PIK3C2G: variants seen among roughly 807,000 people sequenced by gnomAD.
The protein encoded by PIK3C2G is phosphatidylinositol-4-phosphate 3-kinase catalytic subunit type 2 gamma.
Under a neutral mutation model 181.1 loss-of-function variants are expected in PIK3C2G, and 168 were observed. The observed-to-expected ratio is 0.93, with a 90% CI of 0.82 to 1.05. PIK3C2G has a LOEUF of 1.05. Among genes scored for constraint, PIK3C2G ranks in the 50% least tolerant of loss-of-function variants. The probability of loss-of-function intolerance (pLI) is 0.00; values close to 1 mark genes in which losing one functional copy is unlikely to be tolerated. For synonymous variants in PIK3C2G, 573 were observed against 592.2 expected, an observed-to-expected ratio of 0.97 and a Z score of 0.47; for missense variants, 1,869 against 1,732.8, an observed-to-expected ratio of 1.08 and a Z score of -1.40.
intron 20 of PIK3C2G, among the ~76,000 whole-genome samples, chr12:18,493,901 A>G (rs185269455): frequency 6.6e-6 from 1 of 152,152 alleles, no homozygotes; most frequent in Non-Finnish European, 1.5e-5. Context: ...ATTAATCACA[A>G]TGAACCATTC....
At position 18,399,638 on chromosome 12, in the gene PIK3C2G, G is replaced by A. The variant is rs768840335; in HGVS notation, c.2127-21G>A. Reference sequence around the variant, plus strand: ...GTGCAGCAAACTCCAGTAAATTACAGTTTCCAATCTGGTTTTTCAGACTCT... The same window carrying A: ...GTGCAGCAAACTCCAGTAAATTACAATTTCCAATCTGGTTTTTCAGACTCT... On this transcript the variant is annotated intron_variant, in intron 15 of 32. Transcript: ENST00000538779. 6 of 1,498,834 alleles carry A rather than the reference G, an allele frequency of 4.0e-6. No individual in the cohort carries two copies. In the African/African-American group the frequency reaches 5.5e-5, roughly 14 times the overall value. The allele number at this position is 1,498,834 out of a possible 1,614,324, so 92.8% of individuals were successfully genotyped here.
At chr12:18,593,594 G>T (rs1297720453) in intron 29 of PIK3C2G, among the ~76,000 whole-genome samples, 1 of 151,762 alleles carries the variant, frequency 6.6e-6, no homozygotes, top group East Asian at 1.9e-4. Context: ...ATTATTCTTT[G>T]GTGCCCTTTA....
chr12:18,453,498 G>A (rs149883229), intron 18 of PIK3C2G, among the ~76,000 whole-genome samples: 4 of 152,144 alleles, frequency 2.6e-5, no homozygotes, highest in Non-Finnish European at 4.4e-5. Context: ...CCTCTTAGGA[G>A]TATGTGATGA....
intron 12 of PIK3C2G, among the ~76,000 whole-genome samples, chr12:18,366,783 AT>A (rs1243052833): frequency 4.7e-5 from 7 of 149,668 alleles, no homozygotes; most frequent in East Asian, 2.0e-4. Flanking sequence ...TGTGTCTCTT[AT>A]TTTTTTTTCC....
At chr12:18,611,889 T>C (rs1948358937) in intron 31 of PIK3C2G, among the ~76,000 whole-genome samples, 1 of 152,172 alleles carries the variant, frequency 6.6e-6, no homozygotes, top group Admixed American at 6.6e-5. Context: ...TTCTTAACAG[T>C]TGTCCCTGCT....
chr12:18,696,820 C>CA, the PIK3C2G span, among the ~76,000 whole-genome samples: 1 of 152,062 alleles, frequency 6.6e-6, no homozygotes, highest in African/African-American at 2.4e-5. Context: ...CATCTTCCCC[C>CA]AAAGTTTATT....
intron 4 of PIK3C2G, 31 bp from the exon 5 acceptor site, chr12:18,293,870 A>G (rs1291523027): frequency 9.2e-7 from 1 of 1,083,346 alleles, no homozygotes; most frequent in Non-Finnish European, 1.4e-6. Flanking sequence ...ATACACTTTT[A>G]TTGACTTTTA....
chr12:18,472,048 T>C (rs908090990), intron 18 of PIK3C2G, among the ~76,000 whole-genome samples: 5 of 152,272 alleles, frequency 3.3e-5, no homozygotes, highest in African/African-American at 9.6e-5. Flanking sequence ...TACACTGAAC[T>C]TTCTCAGTCA....
chr12:18,536,875 T>C (rs1943881287), intron 24 of PIK3C2G, among the ~76,000 whole-genome samples: 1 of 152,132 alleles, frequency 6.6e-6, no homozygotes, highest in Non-Finnish European at 1.5e-5. Context: ...CCGCAGTGTA[T>C]GTATGTGCTC....
intron 29 of PIK3C2G, among the ~76,000 whole-genome samples, chr12:18,594,138 CAGAA>C (rs1245076428): frequency 6.6e-6 from 1 of 151,772 alleles, no homozygotes; most frequent in Non-Finnish European, 1.5e-5. Context: ...TAATTTTTCT[CAGAA>C]AGGCCATCCA....
chr12:18,621,049 C>T (rs756158692), intron 31 of PIK3C2G, among the ~76,000 whole-genome samples: 2 of 151,872 alleles, frequency 1.3e-5, no homozygotes, highest in African/African-American at 2.4e-5. Context: ...TGAACTTAAT[C>T]TTCCAGTATT....
chr12:18,294,948 T>C (rs1222522831), intron 5 of PIK3C2G, among the ~76,000 whole-genome samples: 1 of 151,734 alleles, frequency 6.6e-6, no homozygotes, highest in Non-Finnish European at 1.5e-5. Context: ...TTTGATGACA[T>C]TCTTATTAGT....
At chr12:18,538,116 T>A (rs1943955574) in intron 24 of PIK3C2G, 40 bp from the exon 25 acceptor site, 2 of 1,574,868 alleles carry the variant, frequency 1.3e-6, no homozygotes, top group Non-Finnish European at 1.7e-6. Flanking sequence ...ACAAACCATT[T>A]CTCTTCCTTC....
intron 31 of PIK3C2G, among the ~76,000 whole-genome samples, chr12:18,618,903 C>T (rs1003986251): frequency 6.6e-6 from 1 of 151,760 alleles, no homozygotes. Context: ...AGCTACAGAA[C>T]GTAGAGGAAA....
At chr12:18,378,624 A>G (rs143654014) in intron 13 of PIK3C2G, among the ~76,000 whole-genome samples, 2 of 152,260 alleles carry the variant, frequency 1.3e-5, no homozygotes, top group Non-Finnish European at 2.9e-5. Context: ...CTCATCTGAC[A>G]AAGGGCTAAT....
chr12:18,677,720 C>T, the PIK3C2G span, among the ~76,000 whole-genome samples: 5 of 152,024 alleles, frequency 3.3e-5, no homozygotes, highest in Non-Finnish European at 2.9e-5. Flanking sequence ...TATATGATTC[C>T]AGTGTTCAGA....
intron 16 of PIK3C2G, among the ~76,000 whole-genome samples, chr12:18,412,193 G>T (rs1316180867): frequency 6.6e-6 from 1 of 152,036 alleles, no homozygotes; most frequent in African/African-American, 2.4e-5. Context: ...GATAATTTGA[G>T]CCCAGAGAAA....
At chr12:18,676,229 C>T in the PIK3C2G span, among the ~76,000 whole-genome samples, 1 of 152,082 alleles carries the variant, frequency 6.6e-6, no homozygotes, top group Non-Finnish European at 1.5e-5. Flanking sequence ...GTTGTTTGAC[C>T]TTTAGGTCAA....
Position 18,304,046 on chromosome 12 carries a change from C to A in PIK3C2G, c.1035-9916C>A, listed in dbSNP as rs1161497175. Reference sequence around the variant, plus strand: ...GTGGTATTTACCTCTTTTTTCATCACCCACATTGATTAGAATGATCTTCTT... The same window carrying A: ...GTGGTATTTACCTCTTTTTTCATCAACCACATTGATTAGAATGATCTTCTT... On this transcript the variant is annotated intron_variant, in intron 5 of 32. Transcript: ENST00000538779. 2.0e-5 allele frequency among the ~76,000 whole-genome samples: 3 copies of A among 151,836 alleles called. No individual in the cohort carries two copies. The East Asian group carries it at 5.8e-4, about 29-fold the overall frequency.
Sources: gnomAD v4.1 joint callset for allele counts (sites outside exome capture counted in the v4.1 genomes callset) on GRCh38, gnomAD v4.1.1 for gene constraint, MANE v1.5 for transcripts, NCBI Gene and HGNC (gene_info 2026-07-23, HGNC 2026-07-21) for gene names.